SVOPL: variants seen among roughly 807,000 people sequenced by gnomAD.
SVOPL encodes the protein putative transporter SVOPL.
SVOPL carries 60 observed loss-of-function variants against 61.0 expected under a neutral mutation model. That is an observed-to-expected ratio of 0.98 (90% CI 0.80 to 1.22). SVOPL has a LOEUF of 1.22. Among genes scored for constraint, SVOPL ranks in the 50% most tolerant of loss-of-function variants. The pLI is 0.00. For synonymous variants in SVOPL, 279 were observed against 250.0 expected (o/e 1.12, Z -1.09); for missense variants, 662 against 643.9 (o/e 1.03, Z -0.30).
Position 138,621,786 on chromosome 7 carries a change from C to CTATG in SVOPL, c.1264-652_1264-651insCATA, listed in dbSNP as rs1181573772. 1.5e-3 allele frequency among the ~76,000 whole-genome samples: 207 copies of CTATG among 140,382 alleles called. 28 individuals carry two copies. The highest frequency in any genetic ancestry group is 1.9e-3 in the Admixed American group (26 of 14,004). 92.1% of individuals were successfully genotyped at this position (140,382 alleles called of 152,430 possible). On this transcript the variant is annotated intron_variant, in intron 13 of 15. Coordinates refer to ENST00000674285, the MANE Select transcript of SVOPL (RefSeq NM_001139456.2). ...GCAGAATCTTAACAGCATATTCTAT[C>CTATG]TATCTATCTATCTATGTATCTATCT...
At chr7:138,676,449 C>T (rs1400015633) in intron 3 of SVOPL, among the ~76,000 whole-genome samples, 1 of 151,312 alleles carries the variant, frequency 6.6e-6, no homozygotes, top group Non-Finnish European at 1.5e-5. Flanking sequence ...AGTGGAGGAA[C>T]CACTGCGCTC....
chr7:138,675,081 A>G (rs1454602971), intron 3 of SVOPL, among the ~76,000 whole-genome samples: 1 of 151,914 alleles, frequency 6.6e-6, no homozygotes, highest in Non-Finnish European at 1.5e-5. Context: ...ACTAGGATAC[A>G]TCTTGCCTTT....
At chr7:138,695,152 TC>T in intron 1 of SVOPL, among the ~76,000 whole-genome samples, 1 of 152,346 alleles carries the variant, frequency 6.6e-6, no homozygotes, top group East Asian at 1.9e-4. Context: ...CTACTAGGTA[TC>T]AGACAATAAA....
At chr7:138,615,866 AAAAT>A (rs1563090961) in intron 14 of SVOPL, among the ~76,000 whole-genome samples, 1 of 94,260 alleles carries the variant, frequency 1.1e-5, no homozygotes, top group Non-Finnish European at 2.4e-5. Flanking sequence ...AAATAAAACA[AAAAT>A]AAAAGACCAG....
At chr7:138,658,390 C>G (rs1172598652) in intron 6 of SVOPL, among the ~76,000 whole-genome samples, 1 of 152,124 alleles carries the variant, frequency 6.6e-6, no homozygotes, top group Non-Finnish European at 1.5e-5. Context: ...CTAAACTCTT[C>G]CAACAAATTC....
chr7:138,618,472 C>T (rs1799399342), intron 14 of SVOPL, among the ~76,000 whole-genome samples: 1 of 152,044 alleles, frequency 6.6e-6, no homozygotes, highest in South Asian at 2.1e-4. Context: ...CCAGCCTGGC[C>T]AACATCGCGA....
At chr7:138,686,263 C>T (rs1375410688) in intron 1 of SVOPL, among the ~76,000 whole-genome samples, 1 of 151,318 alleles carries the variant, frequency 6.6e-6, no homozygotes, top group Admixed American at 6.6e-5. Context: ...ATTAGCTGGG[C>T]GTGGTGGTGG....
At chr7:138,639,671 A>AG (rs201165825) in intron 9 of SVOPL, among the ~76,000 whole-genome samples, 61 of 151,792 alleles carry the variant, frequency 4.0e-4, no homozygotes, top group African/African-American at 1.4e-3. Flanking sequence ...AGGAAAAGGA[A>AG]GGGGGAAAAA....
chr7:138,637,479 TAGATATAGATAG>T (rs1800548462), intron 9 of SVOPL, among the ~76,000 whole-genome samples: 3 of 17,020 alleles, frequency 1.8e-4, no homozygotes, highest in Admixed American at 8.0e-4. Context: ...GATATAGATA[TAGATATAGATAG>T]ATATATATAT....
chr7:138,695,370 G>A (rs1322930040), intron 1 of SVOPL, among the ~76,000 whole-genome samples: 2 of 152,126 alleles, frequency 1.3e-5, no homozygotes, highest in African/African-American at 4.8e-5. Flanking sequence ...AAATTCAGTG[G>A]GTGTGGTGGA....
At chr7:138,628,565 GAGC>G (rs906385162) in intron 10 of SVOPL, among the ~76,000 whole-genome samples, 19 of 152,186 alleles carry the variant, frequency 1.2e-4, no homozygotes, top group African/African-American at 4.1e-4. Flanking sequence ...GTAAACCTAG[GAGC>G]AGAATTGCCG....
In SVOPL at chr7:138,628,295, A is replaced by T; in HGVS notation, c.932T>A (p.Val311Asp). The T allele has an allele frequency of 1.9e-6, 3 of 1,614,130 alleles. No individual in the cohort carries two copies. The highest frequency in any genetic ancestry group is 2.5e-6 in the Non-Finnish European group (3 of 1,180,026). Residue 311 changes from valine (V) to aspartate (D), a missense_variant, in exon 11 of 16, where the codon GTC (valine) becomes GAC (aspartate). Physicochemically the swap from Val to Asp is radical, Grantham distance 152. Coordinates refer to ENST00000674285, the MANE Select transcript of SVOPL (RefSeq NM_001139456.2). ...CGCAGAGTCTGACTTTGAACCACAGACCAAGTCCCGCTCCAGCAGCTCAGC... is the reference window on the plus strand; with the variant it reads ...CGCAGAGTCTGACTTTGAACCACAGTCCAAGTCCCGCTCCAGCAGCTCAGC... ...ASAELLERDL[V>D]CGSKSDSAVV...
intron 15 of SVOPL, among the ~76,000 whole-genome samples, chr7:138,595,188 T>C (rs899026697): frequency 6.6e-6 from 1 of 150,856 alleles, no homozygotes; most frequent in African/African-American, 2.5e-5. Context: ...ATCCAAATTA[T>C]TAGGATGCTG....
At chr7:138,645,917 G>A (rs1463874960) in intron 8 of SVOPL, among the ~76,000 whole-genome samples, 1 of 152,094 alleles carries the variant, frequency 6.6e-6, no homozygotes, top group Non-Finnish European at 1.5e-5. Flanking sequence ...CCGGGTTCAA[G>A]CAATTCTCCT....
chr7:138,697,628 AAAGAAG>A (rs779680729), intron 1 of SVOPL, among the ~76,000 whole-genome samples: 18 of 114,964 alleles, frequency 1.6e-4, no homozygotes, highest in Middle Eastern at 4.2e-3. Flanking sequence ...AAAAAAAAAA[AAAGAAG>A]AAGAAGAAGT....
At chr7:138,661,114 A>G in intron 5 of SVOPL, 1 of 985,430 alleles carries the variant, frequency 1.0e-6, no homozygotes, top group Non-Finnish European at 1.2e-6. Context: ...TTTAAAACAT[A>G]CAGCCAATTC....
chr7:138,679,387 A>T (rs186860056), intron 1 of SVOPL, among the ~76,000 whole-genome samples: 1 of 152,038 alleles, frequency 6.6e-6, no homozygotes, highest in African/African-American at 2.4e-5. Flanking sequence ...CTCGTGCCTC[A>T]GCCTCTTGAG....
chr7:138,629,756 T>C (rs896644767), intron 10 of SVOPL, among the ~76,000 whole-genome samples: 6 of 152,212 alleles, frequency 3.9e-5, no homozygotes, highest in Non-Finnish European at 7.3e-5. Flanking sequence ...GTTTCTGTCA[T>C]GTGGTGAGAA....
chr7:138,679,930 A>C lies in SVOPL; in HGVS notation c.-34-851T>G, dbSNP rs970572825. 2.6e-5 allele frequency among the ~76,000 whole-genome samples: 4 copies of C among 152,266 alleles called. No individual in the cohort carries two copies. In the East Asian group the frequency reaches 5.8e-4, roughly 22 times the overall value. On this transcript the variant is annotated intron_variant, in intron 1 of 15. Coordinates refer to ENST00000674285, the MANE Select transcript of SVOPL (RefSeq NM_001139456.2). ...CACGTAAGGAACCTGAGAAATGGAG[A>C]GACTAAATGGCTAAATTAGATAATC...
Sources: allele counts gnomAD v4.1 joint callset (sites outside exome capture counted in the v4.1 genomes callset), GRCh38; gene constraint gnomAD v4.1.1; transcripts MANE v1.5; gene names NCBI Gene and HGNC (gene_info 2026-07-23, HGNC 2026-07-21).